Variants in SNX18 observed in about 807,000 individuals in gnomAD.
The protein encoded by SNX18 is sorting nexin 18.
In SNX18, 35 loss-of-function variants were observed where a neutral mutation model predicts 48.7. That is an observed-to-expected ratio of 0.72 (90% CI 0.55 to 0.95). The LOEUF (loss-of-function observed/expected upper bound fraction) is 0.95. Ranked by LOEUF, SNX18 falls within the 40% of genes least tolerant of loss-of-function variation. The probability of loss-of-function intolerance (pLI) is 0.00; values close to 1 mark genes in which losing one functional copy is unlikely to be tolerated. For missense variants in SNX18, 824 were observed against 871.0 expected, an observed-to-expected ratio of 0.95 and a Z score of 0.68; for synonymous variants, 492 against 384.7, an observed-to-expected ratio of 1.28 and a Z score of -3.26.
the SNX18 span, among the ~76,000 whole-genome samples, chr5:54,635,996 G>T: frequency 6.6e-6 from 1 of 152,176 alleles, no homozygotes; most frequent in Admixed American, 6.5e-5. Context: ...GCCTACCATG[G>T]ATGTGGGAAG....
At chr5:54,530,579 T>C (rs13158913) in intron 1 of SNX18, among the ~76,000 whole-genome samples, 20,617 of 152,052 alleles carry the variant, frequency 0.14, 1,558 homozygotes, top group Middle Eastern at 0.26. Context: ...TCAAAATAGC[T>C]ATCATGTTTT....
At chr5:54,619,831 C>T in the SNX18 span, among the ~76,000 whole-genome samples, 2 of 152,024 alleles carry the variant, frequency 1.3e-5, no homozygotes, top group African/African-American at 4.8e-5. Flanking sequence ...AGCAACAAGG[C>T]AAGTGGTTAC....
the SNX18 span, among the ~76,000 whole-genome samples, chr5:54,608,793 A>G: frequency 1.3e-5 from 2 of 152,130 alleles, no homozygotes; most frequent in Non-Finnish European, 2.9e-5. Flanking sequence ...TCATCTGAGT[A>G]CCCATCCTCC....
chr5:54,581,583 G>A, the SNX18 span, among the ~76,000 whole-genome samples: 5 of 152,074 alleles, frequency 3.3e-5, no homozygotes, highest in African/African-American at 1.2e-4. Flanking sequence ...CTGCTCCCAC[G>A]TTTCCCCTCC....
At chr5:54,621,400 G>A in the SNX18 span, among the ~76,000 whole-genome samples, 1 of 152,116 alleles carries the variant, frequency 6.6e-6, no homozygotes, top group East Asian at 1.9e-4. Flanking sequence ...AGGGATAAAG[G>A]GCACTTATTT....
the SNX18 span, among the ~76,000 whole-genome samples, chr5:54,626,272 G>A: frequency 6.6e-6 from 1 of 152,312 alleles, no homozygotes; most frequent in African/African-American, 2.4e-5. Flanking sequence ...TCTTAGGATT[G>A]TAGTAAACTA....
chr5:54,599,018 G>C, the SNX18 span, among the ~76,000 whole-genome samples: 2 of 152,156 alleles, frequency 1.3e-5, no homozygotes, highest in Admixed American at 1.3e-4. Flanking sequence ...AAGCTGATAA[G>C]CAACTTCAGC....
intron 1 of SNX18, among the ~76,000 whole-genome samples, chr5:54,526,222 A>G (rs920759553): frequency 2.0e-5 from 3 of 152,102 alleles, no homozygotes. Context: ...CTCCTGCCTC[A>G]GCCGCCCGAG....
chr5:54,584,379 A>G, the SNX18 span, among the ~76,000 whole-genome samples: 1 of 151,922 alleles, frequency 6.6e-6, no homozygotes, highest in Non-Finnish European at 1.5e-5. Context: ...AGAACTTCCC[A>G]TGGCTGCTTG....
chr5:54,565,937 T>C, the SNX18 span, among the ~76,000 whole-genome samples: 29 of 152,200 alleles, frequency 1.9e-4, no homozygotes, highest in Non-Finnish European at 2.8e-4. Context: ...TTCTGGGCCA[T>C]ATGTGGAGAT....
chr5:54,518,341 G>A lies in SNX18; in HGVS notation c.389G>A (p.Gly130Glu). The change falls in exon 1 of 2, where the codon GGG (glycine) becomes GAG (glutamate). Residue 130 changes from glycine to glutamate, a missense_variant. Transcript: ENST00000381410. ...CCCGGCGCGGGCTTCCCGTACGGCGGGGGCGCCCTGCAGCCGTCGCCTCAG... is the reference window on the plus strand; with the variant it reads ...CCCGGCGCGGGCTTCCCGTACGGCGAGGGCGCCCTGCAGCCGTCGCCTCAG... Reference protein sequence around the residue: ...QPPGAGFPYGGGALQPSPQQL... With the variant: ...QPPGAGFPYGEGALQPSPQQL... The A allele has an allele frequency of 2.0e-6, 3 of 1,520,746 alleles. No homozygotes were observed. Among genetic ancestry groups the A allele is most frequent in the Non-Finnish European group, 2.6e-6 (3 of 1,136,798 alleles). 94.2% of individuals were successfully genotyped at this position (1,520,746 alleles called of 1,614,324 possible). A position where few individuals can be genotyped will look rare whatever the true frequency, so the allele number is the denominator to read the frequency against.
chr5:54,638,741 C>G, the SNX18 span, among the ~76,000 whole-genome samples: 4 of 152,084 alleles, frequency 2.6e-5, no homozygotes, highest in African/African-American at 7.2e-5. Context: ...TTTTTATTAT[C>G]TACCTGTATA....
chr5:54,625,762 C>T, the SNX18 span, among the ~76,000 whole-genome samples: 2 of 152,138 alleles, frequency 1.3e-5, no homozygotes, highest in African/African-American at 2.4e-5. Context: ...TCTCTGACTG[C>T]AGTCATTGGC....
At chr5:54,563,800 A>G in the SNX18 span, among the ~76,000 whole-genome samples, 1 of 151,978 alleles carries the variant, frequency 6.6e-6, no homozygotes, top group South Asian at 2.1e-4. Flanking sequence ...TTCCCCTTCT[A>G]TTTGAAATAG....
In SNX18 at chr5:54,545,376, C is replaced by G. The variant is rs551250429; in HGVS notation, c.*1944C>G. 3.7e-4 allele frequency: 56 copies of G among 149,530 alleles called. No individual in the cohort carries two copies. Among genetic ancestry groups the G allele is most frequent in the African/African-American group, 1.3e-3 (54 of 40,600 alleles). 9.3% of individuals were successfully genotyped at this position (149,530 alleles called of 1,614,324 possible). Reference sequence around the variant, plus strand: ...TGCTTTTCAAATGATTTAAAAATTACTTTTATTTGCCTCTTTATTTTGATG... The same window carrying G: ...TGCTTTTCAAATGATTTAAAAATTAGTTTTATTTGCCTCTTTATTTTGATG... On this transcript the variant is annotated 3_prime_UTR_variant, in exon 2 of 2. Coordinates refer to ENST00000381410, the MANE Select transcript of SNX18 (RefSeq NM_001102575.2).
chr5:54,589,787 T>C, the SNX18 span, among the ~76,000 whole-genome samples: 7 of 152,180 alleles, frequency 4.6e-5, no homozygotes, highest in Non-Finnish European at 1.0e-4. Context: ...ACCAGGGCCC[T>C]GTGATATTGA....
chr5:54,523,263 A>G (rs1245519026), intron 1 of SNX18, among the ~76,000 whole-genome samples: 1 of 145,212 alleles, frequency 6.9e-6, no homozygotes, highest in African/African-American at 2.7e-5. Flanking sequence ...TTTGGGTAGT[A>G]CTGAGGAATA....
the SNX18 span, among the ~76,000 whole-genome samples, chr5:54,592,185 C>T: frequency 4.6e-5 from 7 of 152,162 alleles, no homozygotes; most frequent in African/African-American, 1.7e-4. Context: ...CCCTCGCCTC[C>T]CACTTCCTTC....
chr5:54,595,694 G>T, the SNX18 span, among the ~76,000 whole-genome samples: 6 of 151,988 alleles, frequency 3.9e-5, no homozygotes, highest in Non-Finnish European at 8.8e-5. Context: ...TGGGACACAC[G>T]TTGTATTGGT....
Sources: gnomAD v4.1 joint callset for allele counts (sites outside exome capture counted in the v4.1 genomes callset) on GRCh38, gnomAD v4.1.1 for gene constraint, MANE v1.5 for transcripts, NCBI Gene and HGNC (gene_info 2026-07-23, HGNC 2026-07-21) for gene names.